Variants in GALNT14 observed in about 807,000 individuals in gnomAD.
GALNT14 encodes UDP-GalNAc:polypeptide N-acetylgalactosaminyltransferase 14.
Under a neutral mutation model 77.5 loss-of-function variants are expected in GALNT14, and 60 were observed. That is an observed-to-expected ratio of 0.77 (90% CI 0.63 to 0.96). GALNT14 has a LOEUF of 0.96. Ranked by LOEUF, GALNT14 falls within the 40% of genes least tolerant of loss-of-function variation. The probability of loss-of-function intolerance (pLI) is 0.00; values close to 1 mark genes in which losing one functional copy is unlikely to be tolerated. For missense variants in GALNT14, 710 were observed against 731.0 expected, an observed-to-expected ratio of 0.97 and a Z score of 0.33; for synonymous variants, 280 against 281.7, an observed-to-expected ratio of 0.99 and a Z score of 0.06.
chr2:31,079,177 A>G, intron 1 of GALNT14: 1 of 613,958 alleles, frequency 1.6e-6, no homozygotes, highest in Non-Finnish European at 2.3e-6. Flanking sequence ...GCTCCACATC[A>G]GTGTGGAAGT....
At chr2:30,990,003 C>T (rs1323016645) in intron 2 of GALNT14, among the ~76,000 whole-genome samples, 2 of 152,084 alleles carry the variant, frequency 1.3e-5, no homozygotes, top group Non-Finnish European at 2.9e-5. Context: ...AGCATATTTA[C>T]ATTTCATTTT....
intron 9 of GALNT14, among the ~76,000 whole-genome samples, chr2:30,933,228 C>G (rs541687505): frequency 6.6e-6 from 1 of 152,208 alleles, no homozygotes; most frequent in Non-Finnish European, 1.5e-5. Flanking sequence ...TAACTGACCA[C>G]AGCGAGGGCA....
chr2:31,036,873 T>C (rs58934083), intron 1 of GALNT14, among the ~76,000 whole-genome samples: 2,561 of 152,320 alleles, frequency 0.017, 82 homozygotes, highest in African/African-American at 0.059. Context: ...CTGTTAATCT[T>C]ACTGAGAATC....
At chr2:31,050,799 A>G (rs190913730) in intron 1 of GALNT14, among the ~76,000 whole-genome samples, 4 of 149,020 alleles carry the variant, frequency 2.7e-5, no homozygotes, top group Non-Finnish European at 5.9e-5. Flanking sequence ...TCAAATAGCA[A>G]ATGTGCTATT....
chr2:30,924,372 AG>A, intron 12 of GALNT14, 109 bp from the exon 13 acceptor site: 1 of 1,191,130 alleles, frequency 8.4e-7, no homozygotes, highest in Non-Finnish European at 1.2e-6. Flanking sequence ...CTGGGCTGTT[AG>A]AAAATATCTG....
At chr2:30,928,788 T>A (rs1665543195) in intron 11 of GALNT14, among the ~76,000 whole-genome samples, 2 of 152,048 alleles carry the variant, frequency 1.3e-5, no homozygotes, top group African/African-American at 4.8e-5. Context: ...AGCTAATTTT[T>A]GTATTTTTAG....
chr2:31,040,476 G>A (rs145464828), intron 1 of GALNT14, among the ~76,000 whole-genome samples: 1,881 of 152,304 alleles, frequency 0.012, 134 homozygotes, highest in Admixed American at 0.11. Context: ...GTTTCTGGAG[G>A]TACTGTGAGT....
chr2:31,057,595 G>A (rs918395823), intron 1 of GALNT14, among the ~76,000 whole-genome samples: 5 of 151,844 alleles, frequency 3.3e-5, no homozygotes, highest in Admixed American at 6.6e-5. Flanking sequence ...ACAATGATCA[G>A]GTGCTTTACT....
At chr2:30,987,136 T>C (rs1250339034) in intron 2 of GALNT14, 1 of 152,196 alleles carries the variant, frequency 6.6e-6, no homozygotes, top group Non-Finnish European at 1.5e-5. Flanking sequence ...GGGTACCTTG[T>C]TCTTGCCTTG....
the GALNT14 span, among the ~76,000 whole-genome samples, chr2:30,897,143 C>T: frequency 8.5e-5 from 13 of 152,186 alleles, no homozygotes; most frequent in African/African-American, 3.1e-4. Flanking sequence ...GTCTCCTACA[C>T]CACAGGCTTG....
At chr2:30,923,736 C>T (rs1026984245) in intron 13 of GALNT14, among the ~76,000 whole-genome samples, 3 of 152,182 alleles carry the variant, frequency 2.0e-5, no homozygotes, top group Non-Finnish European at 2.9e-5. Context: ...TGTCACCCAG[C>T]GGCAGTCTTC....
chr2:30,955,995 T>A lies in GALNT14; in HGVS notation c.467-18A>T, dbSNP rs1259171211. 1 of 1,614,022 alleles carries A rather than the reference T, an allele frequency of 6.2e-7. No individual in the cohort carries two copies. The highest frequency in any genetic ancestry group is 8.5e-7 in the Non-Finnish European group (1 of 1,179,890). ...GTCATCAGCTGCAAAGACAAAAGGTTAAGCCAATTGAGCGCCCAGGGATGG... is the reference window on the plus strand; with the variant it reads ...GTCATCAGCTGCAAAGACAAAAGGTAAAGCCAATTGAGCGCCCAGGGATGG... On this transcript the variant is annotated intron_variant, in intron 4 of 14. Transcript: ENST00000349752.
At chr2:31,043,311 C>T (rs932961495) in intron 1 of GALNT14, among the ~76,000 whole-genome samples, 1 of 152,182 alleles carries the variant, frequency 6.6e-6, no homozygotes, top group African/African-American at 2.4e-5. Context: ...TTAGCATTTA[C>T]CTTTTTCTGA....
chr2:30,995,598 ATCC>A (rs1669981171), intron 1 of GALNT14, among the ~76,000 whole-genome samples: 1 of 152,152 alleles, frequency 6.6e-6, no homozygotes, highest in Non-Finnish European at 1.5e-5. Context: ...GGCTCCAGCG[ATCC>A]TCCTATCTCA....
intron 1 of GALNT14, among the ~76,000 whole-genome samples, chr2:31,096,932 T>C (rs560453570): frequency 6.6e-6 from 1 of 152,120 alleles, no homozygotes; most frequent in Admixed American, 6.6e-5. Context: ...TGGATTCCCA[T>C]CCTCTAATCG....
intron 1 of GALNT14, among the ~76,000 whole-genome samples, chr2:31,024,016 G>A (rs990196351): frequency 6.6e-6 from 1 of 152,018 alleles, no homozygotes; most frequent in African/African-American, 2.4e-5. Flanking sequence ...CCCGGTCTTG[G>A]TTTCCCTCTG....
chr2:31,121,040 A>C (rs1284988492), intron 1 of GALNT14, among the ~76,000 whole-genome samples: 2 of 152,214 alleles, frequency 1.3e-5, no homozygotes, highest in Non-Finnish European at 2.9e-5. Flanking sequence ...CTTGGTGTAC[A>C]CAAGAAAGAA....
downstream of GALNT14, among the ~76,000 whole-genome samples, chr2:30,906,800 T>C (rs1407519593): frequency 6.6e-6 from 1 of 152,200 alleles, no homozygotes; most frequent in Non-Finnish European, 1.5e-5. Flanking sequence ...ATTGACCACA[T>C]ACTTGGAAGC....
chr2:31,115,074 C>T (rs1338230734), intron 1 of GALNT14, among the ~76,000 whole-genome samples: 3 of 151,872 alleles, frequency 2.0e-5, no homozygotes, highest in Admixed American at 2.0e-4. Context: ...TAGCAAGACC[C>T]CATCTCTACT....
Sources: allele counts gnomAD v4.1 joint callset (sites outside exome capture counted in the v4.1 genomes callset), GRCh38; gene constraint gnomAD v4.1.1; transcripts MANE v1.5; gene names NCBI Gene and HGNC (gene_info 2026-07-23, HGNC 2026-07-21).